The following CCDC60 variants were observed in gnomAD, a reference collection of about 807,000 sequenced individuals.
CCDC60 encodes the protein coiled-coil domain containing 60, also known as coiled-coil domain-containing protein 60.
Under a neutral mutation model 63.5 loss-of-function variants are expected in CCDC60, and 54 were observed. That is an observed-to-expected ratio of 0.85 (90% CI 0.68 to 1.07). CCDC60 has a LOEUF of 1.07. Ranked by LOEUF, CCDC60 falls within the 50% of genes least tolerant of loss-of-function variation. CCDC60 has a pLI of 0.00. For synonymous variants in CCDC60, 206 were observed against 238.8 expected, an observed-to-expected ratio of 0.86 and a Z score of 1.27; for missense variants, 651 against 684.3, an observed-to-expected ratio of 0.95 and a Z score of 0.54.
intron 6 of CCDC60, among the ~76,000 whole-genome samples, chr12:119,500,585 A>G (rs1951829550): frequency 2.1e-5 from 3 of 139,926 alleles, no homozygotes; most frequent in Non-Finnish European, 4.5e-5. Context: ...CAGGCACACT[A>G]GCTCATGCTT....
At chr12:119,425,843 AG>A (rs1273782403) in intron 1 of CCDC60, among the ~76,000 whole-genome samples, 2 of 152,128 alleles carry the variant, frequency 1.3e-5, no homozygotes, top group Non-Finnish European at 2.9e-5. Context: ...CCACTTTGAC[AG>A]GGGATGGTTT....
At chr12:119,339,043 A>C (rs553876285) in intron 1 of CCDC60, among the ~76,000 whole-genome samples, 21 of 152,282 alleles carry the variant, frequency 1.4e-4, no homozygotes, top group African/African-American at 5.1e-4. Flanking sequence ...TAACATATGC[A>C]AATCCTCTGT....
rs183897926 is a variant in CCDC60, at chr12:119,336,200, T to G, written c.90+934T>G. ...CATGGCACATGTATACATATGTAAC[T>G]AACCTGCACAATGTGCACATGTACC... On this transcript the variant is annotated intron_variant, in intron 1 of 13. Coordinates refer to ENST00000327554, the MANE Select transcript of CCDC60 (RefSeq NM_178499.5). Among the ~76,000 whole-genome samples, 289 of 151,876 alleles carry G rather than the reference T, an allele frequency of 1.9e-3. 2 individuals carry two copies. The highest frequency in any genetic ancestry group is 3.8e-3 in the Admixed American group (58 of 15,266).
intron 5 of CCDC60, among the ~76,000 whole-genome samples, chr12:119,492,269 T>A (rs1024869300): frequency 6.6e-6 from 1 of 152,142 alleles, no homozygotes; most frequent in African/African-American, 2.4e-5. Flanking sequence ...GAACAATGAT[T>A]TGTGACAATG....
At chr12:119,484,269 G>A (rs565590018) in intron 4 of CCDC60, among the ~76,000 whole-genome samples, 2 of 152,272 alleles carry the variant, frequency 1.3e-5, no homozygotes, top group Admixed American at 1.3e-4. Context: ...TTATAAGAAT[G>A]AACTTAGTTA....
In CCDC60 at chr12:119,420,077, C is replaced by T. The variant is rs1370770989; in HGVS notation, c.91-8606C>T. Among the ~76,000 whole-genome samples, 7 of 151,912 alleles carry T rather than the reference C, an allele frequency of 4.6e-5. No homozygotes were observed. Among genetic ancestry groups the T allele is most frequent in the South Asian group, 2.1e-4 (1 of 4,814 alleles). On this transcript the variant is annotated intron_variant, in intron 1 of 13. Coordinates refer to ENST00000327554, the MANE Select transcript of CCDC60 (RefSeq NM_178499.5). The surrounding 1 kb of genome is among the most constrained non-coding windows in gnomAD (Gnocchi z 4.1). ...ATTTTTAGTAGAGATAGGGTTTCACCGTGTTAGCCGGGATGGTCTCGAACT... is the reference window on the plus strand; with the variant it reads ...ATTTTTAGTAGAGATAGGGTTTCACTGTGTTAGCCGGGATGGTCTCGAACT...
At chr12:119,511,180 A>G (rs995737039) in intron 7 of CCDC60, among the ~76,000 whole-genome samples, 2 of 152,048 alleles carry the variant, frequency 1.3e-5, no homozygotes, top group Admixed American at 6.6e-5. Flanking sequence ...CCTCCATCCA[A>G]TTTGTCACAG....
chr12:119,500,468 T>C (rs1330750192), intron 6 of CCDC60, among the ~76,000 whole-genome samples: 1 of 151,932 alleles, frequency 6.6e-6, no homozygotes, highest in East Asian at 1.9e-4. Flanking sequence ...CACTCTATCT[T>C]CTAAATCAAT....
chr12:119,519,878 A>G (rs796758), intron 8 of CCDC60, among the ~76,000 whole-genome samples: 40,867 of 121,140 alleles, frequency 0.34, 5,624 homozygotes, highest in African/African-American at 0.38. Context: ...GTGTGTGTGT[A>G]TACCTGTGTG....
chr12:119,352,264 A>C (rs1955663260), intron 1 of CCDC60, among the ~76,000 whole-genome samples: 1 of 152,160 alleles, frequency 6.6e-6, no homozygotes. Context: ...CCCACCTCCA[A>C]CACTGGGGAT....
chr12:119,454,624 G>A (rs1340081994), intron 2 of CCDC60, among the ~76,000 whole-genome samples: 1 of 152,146 alleles, frequency 6.6e-6, no homozygotes, highest in Non-Finnish European at 1.5e-5. Flanking sequence ...CATTGATTTA[G>A]CCAAGGACAA....
intron 1 of CCDC60, among the ~76,000 whole-genome samples, chr12:119,417,152 C>A (rs1956716424): frequency 6.6e-6 from 1 of 151,930 alleles, no homozygotes; most frequent in Admixed American, 6.6e-5. Context: ...TCCCACCCCT[C>A]CCCTCATCAA....
intron 1 of CCDC60, among the ~76,000 whole-genome samples, chr12:119,398,116 A>AGGGGGCGGGGTGGGGGGAGGAG (rs1956313959): frequency 3.7e-5 from 1 of 27,288 alleles, no homozygotes; most frequent in Non-Finnish European, 7.0e-5. Flanking sequence ...GGGGGGAGGA[A>AGGGGGCGGGGTGGGGGGAGGAG]GGGGTGGCAG....
chr12:119,442,007 A>G, intron 2 of CCDC60, among the ~76,000 whole-genome samples: 1 of 152,216 alleles, frequency 6.6e-6, no homozygotes, highest in Non-Finnish European at 1.5e-5. Context: ...AAACGCACAA[A>G]TAATACAATC....
chr12:119,532,596 G>C (rs1292970114), intron 13 of CCDC60, among the ~76,000 whole-genome samples: 1 of 151,712 alleles, frequency 6.6e-6, no homozygotes, highest in Non-Finnish European at 1.5e-5. Flanking sequence ...ACAGGCCCCA[G>C]CTTGTGATGT....
intron 1 of CCDC60, among the ~76,000 whole-genome samples, chr12:119,364,752 C>T (rs1459038478): frequency 6.6e-6 from 1 of 152,182 alleles, no homozygotes; most frequent in African/African-American, 2.4e-5. Flanking sequence ...AGAGGAGATC[C>T]ACGGGGCGAT....
intron 1 of CCDC60, among the ~76,000 whole-genome samples, chr12:119,422,514 G>C (rs1308121023): frequency 6.6e-6 from 1 of 152,162 alleles, no homozygotes; most frequent in African/African-American, 2.4e-5. Flanking sequence ...GTGTGAGCAG[G>C]CGTCTTACAT....
At position 119,456,060 on chromosome 12, in the gene CCDC60, A is replaced by AAAGCAAGCAAGCAAGC. The variant is rs77318681; in HGVS notation, c.171-15921_171-15920insAGCAAGCAAGCAAGCA. Among the ~76,000 whole-genome samples, 2,795 of 118,598 alleles carry AAAGCAAGCAAGCAAGC rather than the reference A, an allele frequency of 0.024. 112 individuals carry two copies. Among genetic ancestry groups the AAAGCAAGCAAGCAAGC allele is most frequent in the East Asian group, 0.065 (236 of 3,648 alleles). The allele number at this position is 118,598 out of a possible 152,430, so 77.8% of individuals were successfully genotyped here. A position where few individuals can be genotyped will look rare whatever the true frequency, so the allele number is the denominator to read the frequency against. On this transcript the variant is annotated intron_variant, in intron 2 of 13. Transcript: ENST00000327554. The surrounding 1 kb of genome is among the most constrained non-coding windows in gnomAD (Gnocchi z 4.6). ...GAAAGAAAGAAAGAAAGAAAGAAAG[A>AAAGCAAGCAAGCAAGC]AAGCAAGCAAGCATGTGCAATTTCA... is the stretch of plus-strand genomic sequence containing the variant.
intron 1 of CCDC60, among the ~76,000 whole-genome samples, chr12:119,361,759 A>G (rs1294368160): frequency 1.3e-5 from 2 of 152,232 alleles, no homozygotes; most frequent in East Asian, 1.9e-4. Flanking sequence ...TCATATTTTC[A>G]AAAAACTGGC....
Sources: gnomAD v4.1 joint callset for allele counts (sites outside exome capture counted in the v4.1 genomes callset) on GRCh38, gnomAD v4.1.1 for gene constraint, Gnocchi (gnomAD v3.1) non-coding constraint, MANE v1.5 for transcripts, NCBI Gene and HGNC (gene_info 2026-07-23, HGNC 2026-07-21) for gene names.